The following ABCA7 variants were observed in gnomAD, a reference collection of about 807,000 sequenced individuals.
ABCA7 encodes the protein ATP binding cassette subfamily A member 7.
Under a neutral mutation model 227.6 loss-of-function variants are expected in ABCA7, and 261 were observed. That is an observed-to-expected ratio of 1.15 (90% CI 1.04 to 1.27). The LOEUF is 1.27. Among genes scored for constraint, ABCA7 ranks in the 50% most tolerant of loss-of-function variants. ABCA7 has a pLI of 0.00. For missense variants in ABCA7, 3,331 were observed against 2,924.5 expected (o/e 1.14, Z -3.21); for synonymous variants, 1,488 against 1,279.7 (o/e 1.16, Z -3.47).
rs776571666 is a variant in ABCA7, at chr19:1,058,697, C to G, written c.5229C>G (p.Leu1743=). Residue 1743 remains leucine, a synonymous_variant, in exon 38 of 47, where the codon CTC becomes CTG. Coordinates refer to ENST00000263094, the MANE Select transcript of ABCA7 (RefSeq NM_019112.4). The part of the protein sequence containing the change: ...NLLAMVIQGP[L]FLLFTLLLQH... ...TGGCCATGGTGATACAGGGGCCCCT[C>G]TTCCTTCTCTTCACACTACTGCTGC... 3.7e-6 allele frequency: 6 copies of G among 1,614,026 alleles called. No homozygotes were observed. The highest frequency in any genetic ancestry group is 5.1e-6 in the Non-Finnish European group (6 of 1,180,004).
Position 1,041,260 on chromosome 19 carries a change from T to C in ABCA7, c.-102T>C. ...AACCCTGCGCTGTGGGATAAAGGAA[T>C]GAGGTTCAGAAAGGGGCAGGGAGTT... On this transcript the variant is annotated 5_prime_UTR_variant, in exon 2 of 47. An upstream start codon of the reference 5' UTR is lost. Transcript: ENST00000263094. 2 of 1,168,124 alleles carry C rather than the reference T, an allele frequency of 1.7e-6. No individual in the cohort carries two copies. The highest frequency in any genetic ancestry group is 2.6e-6 in the Non-Finnish European group (2 of 781,142). The allele number at this position is 1,168,124 out of a possible 1,614,324, so 72.4% of individuals were successfully genotyped here.
chr19:1,058,410 G>T (rs2042431194), intron 37 of ABCA7, 141 bp downstream of exon 37: 2 of 1,441,842 alleles, frequency 1.4e-6, no homozygotes, highest in South Asian at 2.9e-5. Context: ...GTTGGGCCAA[G>T]TTGGAGGTAC....
intron 40 of ABCA7, 83 bp from the exon 41 acceptor site, chr19:1,061,699 C>CAAAAAA: frequency 9.5e-7 from 1 of 1,055,262 alleles, no homozygotes. Flanking sequence ...AACTTGGTCT[C>CAAAAAA]AAAAAAAAAA....
At position 1,052,079 on chromosome 19, in the gene ABCA7, T is replaced by A; in HGVS notation, c.3100T>A (p.Tyr1034Asn). The change falls in exon 22 of 47, where the codon TAC (tyrosine) becomes AAC (asparagine). Residue 1034 changes from tyrosine to asparagine, a missense_variant. Tyr to Asn is a moderately radical substitution (Grantham distance 143). Transcript: ENST00000263094. ...FLRRHLGSGY[Y>N]LTLVKARLPL... is the part of the protein sequence containing the mutation. ...GCGCCGTCACCTGGGCTCCGGCTAC[T>A]ACCTGACGCTGGTGAAGGCCCGCCT... is the stretch of plus-strand genomic sequence containing the variant. 6.2e-7 allele frequency: 1 copy of A among 1,612,330 alleles called. No homozygotes were observed. Among genetic ancestry groups the A allele is most frequent in the Non-Finnish European group, 8.5e-7 (1 of 1,179,864 alleles).
At chr19:1,063,989 G>A (rs2042864458) in intron 44 of ABCA7, 126 bp downstream of exon 44, 2 of 1,359,356 alleles carry the variant, frequency 1.5e-6, no homozygotes, top group Non-Finnish European at 2.0e-6. Flanking sequence ...GCCAGGCCCC[G>A]GGGTGTAAGG....
chr19:1,053,551 G>C lies in ABCA7; in HGVS notation c.3423+20G>C. 1.3e-6 allele frequency: 2 copies of C among 1,552,972 alleles called. No homozygotes were observed. The highest frequency in any genetic ancestry group is 1.7e-6 in the Non-Finnish European group (2 of 1,154,118). On this transcript the variant is annotated intron_variant, in intron 24 of 46. Coordinates refer to ENST00000263094, the MANE Select transcript of ABCA7 (RefSeq NM_019112.4). ...GAGGAGGTGTGAGGCCTGGGTGGTG[G>C]TGAGGTGGGGCCAGGAGGAGGGCTT...
Position 1,054,051 on chromosome 19 carries a change from A to G in ABCA7, c.3518A>G (p.Asp1173Gly), listed in dbSNP as rs370468423. 13 of 1,613,288 alleles carry G rather than the reference A, an allele frequency of 8.1e-6. No homozygotes were observed. The East Asian group carries it at 1.1e-4, about 14-fold the overall frequency. The part of the protein sequence containing the change: ...QHLCTGIAGL[D>G]VTLRLKMPPQ... The stretch of plus-strand genomic sequence containing the variant: ...CTATGCACAGGCATTGCTGGCCTAG[A>G]CGTAACCCTACGGCTCAAGATGCCG... Residue 1173 changes from aspartate (D) to glycine (G), a missense_variant, in exon 26 of 47, where the codon GAC becomes GGC. Physicochemically the swap from Asp to Gly is moderately conservative, Grantham distance 94. Transcript: ENST00000263094. This position sits in a 1 kb window ranked among gnomAD's most constrained non-coding sequence, Gnocchi z 4.8.
intron 42 of ABCA7, 41 bp downstream of exon 42, chr19:1,062,354 C>T (rs1414684483): frequency 4.4e-6 from 7 of 1,589,350 alleles, no homozygotes; most frequent in Non-Finnish European, 6.0e-6. Flanking sequence ...CTCCCAGGGC[C>T]CACCCGACCC....
rs537639247 is a variant in ABCA7, at chr19:1,062,063, T to C, written c.5571-109T>C. The C allele has an allele frequency of 1.7e-5, 26 of 1,522,902 alleles. No individual in the cohort carries two copies. In the Admixed American group the frequency reaches 3.2e-4, roughly 19 times the overall value. The allele number at this position is 1,522,902 out of a possible 1,614,324, so 94.3% of individuals were successfully genotyped here. On this transcript the variant is annotated intron_variant, in intron 41 of 46. Coordinates refer to ENST00000263094, the MANE Select transcript of ABCA7 (RefSeq NM_019112.4). ...CGGACCAGGCCCTGAGACACCCCTG[T>C]CCCTTATCAGCGTGGCCCTGGATGG... is the stretch of plus-strand genomic sequence containing the variant.
Position 1,048,927 on chromosome 19 carries a change from C to T in ABCA7, c.2302C>T (p.Pro768Ser), listed in dbSNP as rs1218256155. Residue 768 changes from proline to serine, a missense_variant, in exon 17 of 47, where the codon CCT becomes TCT. Transcript: ENST00000263094. ...QYGIPEPWNF[P>S]FRRSYWCGPR... ...CGGGATCCCTGAACCATGGAATTTTCCTTTTCGGAGGAGCTACTGGTGCGG... is the reference window on the plus strand; with the variant it reads ...CGGGATCCCTGAACCATGGAATTTTTCTTTTCGGAGGAGCTACTGGTGCGG... The T allele has an allele frequency of 6.2e-7, 1 of 1,609,438 alleles. No individual in the cohort carries two copies. Among genetic ancestry groups the T allele is most frequent in the Non-Finnish European group, 8.5e-7 (1 of 1,178,316 alleles).
chr19:1,046,844 G>T lies in ABCA7; in HGVS notation c.1665G>T (p.Thr555=). The change falls in exon 14 of 47, where the codon ACG becomes ACT. Residue 555 remains threonine (T), a synonymous_variant. Transcript: ENST00000263094. ...VLSRSLPLFL[T]LAWIYSVTLT... ...GCCGGTCGCTGCCGCTCTTCCTGAC[G>T]CTGGCCTGGATCTACTCCGTGACAC... is the stretch of plus-strand genomic sequence containing the variant. The T allele has an allele frequency of 6.5e-7, 1 of 1,541,548 alleles. No homozygotes were observed. Among genetic ancestry groups the T allele is most frequent in the Non-Finnish European group, 8.7e-7 (1 of 1,148,260 alleles).
At position 1,056,687 on chromosome 19, in the gene ABCA7, C is replaced by T. The variant is rs1012725284; in HGVS notation, c.4586+188C>T. Among the ~76,000 whole-genome samples the T allele has an allele frequency of 3.3e-5, 5 of 152,174 alleles. No individual in the cohort carries two copies. The highest frequency in any genetic ancestry group is 1.2e-4 in the African/African-American group (5 of 41,430). ...CCTCCTCAGACTCAGCGGGCCCCAG[C>T]CTCCCCCACACATCCTCATCCCACC... On this transcript the variant is annotated intron_variant, in intron 33 of 46. Coordinates refer to ENST00000263094, the MANE Select transcript of ABCA7 (RefSeq NM_019112.4). The surrounding 1 kb of genome is among the most constrained non-coding windows in gnomAD (Gnocchi z 4.3).
chr19:1,058,582 T>C, intron 37 of ABCA7, 36 bp from the exon 38 acceptor site: 2 of 1,605,892 alleles, frequency 1.2e-6, no homozygotes, highest in Non-Finnish European at 1.7e-6. Context: ...AAACCAAGAC[T>C]CTCATGGACC....
chr19:1,062,185 C>A lies in ABCA7; in HGVS notation c.5584C>A (p.Pro1862Thr). ...CCCCATCCCCAGCGTGGCCCGGGAA[C>A]CCAGTGCTGCGCACCTCAGCATGGG... ...VLAGHSVARE[P>T]SAAHLSMGYC... Residue 1862 changes from proline (P) to threonine (T), a missense_variant, in exon 42 of 47, where the codon CCC (proline) becomes ACC (threonine). Coordinates refer to ENST00000263094, the MANE Select transcript of ABCA7 (RefSeq NM_019112.4). The A allele has an allele frequency of 6.2e-7, 1 of 1,612,202 alleles. No individual in the cohort carries two copies. Among genetic ancestry groups the A allele is most frequent in the East Asian group, 2.2e-5 (1 of 44,870 alleles).
intron 7 of ABCA7, 24 bp from the exon 8 acceptor site, chr19:1,043,017 C>G (rs1415919871): frequency 4.4e-6 from 7 of 1,578,036 alleles, no homozygotes; most frequent in Non-Finnish European, 6.0e-6. Context: ...TCATTGCCAG[C>G]TCCGTCTGGT....
At position 1,046,833 on chromosome 19, in the gene ABCA7, C is replaced by T; in HGVS notation, c.1654C>T (p.Leu552Phe). The change falls in exon 14 of 47, where the codon CTC becomes TTC. Residue 552 changes from leucine (L) to phenylalanine (F), a missense_variant. Coordinates refer to ENST00000263094, the MANE Select transcript of ABCA7 (RefSeq NM_019112.4). ...FLRVLSRSLP[L>F]FLTLAWIYSV... is the part of the protein sequence containing the mutation. ...GCGTGTGCTGAGCCGGTCGCTGCCG[C>T]TCTTCCTGACGCTGGCCTGGATCTA... 1 of 1,540,350 alleles carries T rather than the reference C, an allele frequency of 6.5e-7. No homozygotes were observed.
At position 1,042,622 on chromosome 19, in the gene ABCA7, G is replaced by A. The variant is rs781677648; in HGVS notation, c.499-124G>A. ...CCAATGAGTCCCTTTGCCTCTCAGAGCCTCAGTTTCCCTATTTGTAAAGTG... is the reference window on the plus strand; with the variant it reads ...CCAATGAGTCCCTTTGCCTCTCAGAACCTCAGTTTCCCTATTTGTAAAGTG... On this transcript the variant is annotated intron_variant, in intron 6 of 46. Coordinates refer to ENST00000263094, the MANE Select transcript of ABCA7 (RefSeq NM_019112.4). The A allele has an allele frequency of 9.6e-6, 11 of 1,142,188 alleles. No individual in the cohort carries two copies. The African/African-American group carries it at 1.4e-4, about 14-fold the overall frequency. 70.8% of individuals were successfully genotyped at this position (1,142,188 alleles called of 1,614,324 possible). A position where few individuals can be genotyped will look rare whatever the true frequency, so the allele number is the denominator to read the frequency against.
At chr19:1,042,422 C>T (rs938316552) in intron 6 of ABCA7, 25 bp downstream of exon 6, 24 of 1,610,336 alleles carry the variant, frequency 1.5e-5, no homozygotes, top group Non-Finnish European at 1.6e-5. Flanking sequence ...CGGGACCGCG[C>T]TGACTTCCTG....
intron 17 of ABCA7, 38 bp from the exon 18 acceptor site, chr19:1,049,228 C>T: frequency 1.9e-6 from 3 of 1,561,516 alleles, no homozygotes; most frequent in Non-Finnish European, 2.6e-6. Flanking sequence ...CCCAGGACCC[C>T]CATGACCTCC....
Sources: gnomAD v4.1 joint callset for allele counts (sites outside exome capture counted in the v4.1 genomes callset) on GRCh38, gnomAD v4.1.1 for gene constraint, Gnocchi (gnomAD v3.1) non-coding constraint, MANE v1.5 for transcripts, NCBI Gene and HGNC (gene_info 2026-07-23, HGNC 2026-07-21) for gene names.